ALKBH4: variants seen among roughly 807,000 people sequenced by gnomAD.
ALKBH4 encodes the protein alkB homolog 4, lysine demethylase, also known as alpha-ketoglutarate-dependent dioxygenase alkB homolog 4.
Under a neutral mutation model 12.1 loss-of-function variants are expected in ALKBH4, and 8 were observed. The ratio of observed to expected loss-of-function variants is 0.66; its 90% CI spans 0.39 to 1.19. ALKBH4 has a LOEUF of 1.19. Among genes scored for constraint, ALKBH4 ranks in the 50% most tolerant of loss-of-function variants. The pLI is 0.01. For synonymous variants in ALKBH4, 195 were observed against 191.6 expected (o/e 1.02, Z -0.15); for missense variants, 403 against 430.4 (o/e 0.94, Z 0.56).
At chr7:102,458,205 G>A (rs529460027) in intron 2 of ALKBH4, among the ~76,000 whole-genome samples, 117 of 152,214 alleles carry the variant, frequency 7.7e-4, no homozygotes, top group East Asian at 1.5e-3. Context: ...AGGCTGAGGC[G>A]GAGGGAGCTC....
intron 1 of ALKBH4, among the ~76,000 whole-genome samples, chr7:102,462,992 A>G (rs1382850720): frequency 7.8e-6 from 1 of 127,628 alleles, no homozygotes; most frequent in Non-Finnish European, 1.6e-5. Context: ...GGGTCTCACT[A>G]TGTTGCCCAA....
At position 102,462,358 on chromosome 7, in the gene ALKBH4, G is replaced by A. The variant is rs551201599; in HGVS notation, c.123+2356C>T. ...GCCACTGGAACGGGTCAGACTTTCC[G>A]CAATTTTTTTCTTTTCTTTTTTTTT... On this transcript the variant is annotated intron_variant, in intron 1 of 2. Coordinates refer to ENST00000292566, the MANE Select transcript of ALKBH4 (RefSeq NM_017621.4). Among the ~76,000 whole-genome samples the A allele has an allele frequency of 1.5e-4, 23 of 151,188 alleles. No individual in the cohort carries two copies. The East Asian group carries it at 1.6e-3, about 11-fold the overall frequency.
In ALKBH4 at chr7:102,456,587, G is replaced by A. The variant is rs1317039328; in HGVS notation, c.*807C>T. ...TGTTAACAGCGTTATGGGGCTGGAA[G>A]GAGGCTCTCAGATTTCCCTGCCCTC... On this transcript the variant is annotated 3_prime_UTR_variant, in exon 3 of 3. Transcript: ENST00000292566. The A allele has an allele frequency of 1.3e-5, 2 of 152,138 alleles. 1 individual carries two copies. The highest frequency in any genetic ancestry group is 3.9e-4 in the East Asian group (2 of 5,170). 9.4% of individuals were successfully genotyped at this position (152,138 alleles called of 1,614,324 possible).
chr7:102,457,937 G>A lies in ALKBH4; in HGVS notation c.366C>T (p.Thr122=), dbSNP rs775088559. 24 of 1,611,978 alleles carry A rather than the reference G, an allele frequency of 1.5e-5. No individual in the cohort carries two copies. The highest frequency in any genetic ancestry group is 2.7e-5 in the African/African-American group (2 of 74,872). ...AGCTGGGGAGGCCGCAGAAGCCCTC[G>A]GTCTTTAGCTTCTGTTTCCGAAAGT... ...KVNFRKQKLK[T]EGFCGLPSFS... is the part of the protein sequence containing the mutation. Residue 122 remains threonine (T), a synonymous_variant, in exon 3 of 3, where the codon ACC becomes ACT. Transcript: ENST00000292566. The surrounding 1 kb of genome is among the most constrained non-coding windows in gnomAD (Gnocchi z 5.9).
At chr7:102,462,305 C>T (rs956539123) in intron 1 of ALKBH4, among the ~76,000 whole-genome samples, 3 of 152,178 alleles carry the variant, frequency 2.0e-5, no homozygotes, top group Admixed American at 6.5e-5. Context: ...CCATAGCCAT[C>T]GGGTTGGGAA....
intron 1 of ALKBH4, among the ~76,000 whole-genome samples, chr7:102,461,690 G>A (rs1025769194): frequency 3.3e-5 from 5 of 152,114 alleles, no homozygotes; most frequent in Non-Finnish European, 7.4e-5. Flanking sequence ...AAAGAGTTTC[G>A]CCAATGAAAT....
At position 102,462,177 on chromosome 7, in the gene ALKBH4, A is replaced by C. The variant is rs141593538; in HGVS notation, c.124-2376T>G. On this transcript the variant is annotated intron_variant, in intron 1 of 2. Coordinates refer to ENST00000292566, the MANE Select transcript of ALKBH4 (RefSeq NM_017621.4). ...GGGTTTTAAAGGAGTGACGAGGTCA[A>C]ATGTGAATTTTAGAAAGATCTGGAG... is the stretch of plus-strand genomic sequence containing the variant. 3.6e-3 allele frequency among the ~76,000 whole-genome samples: 544 copies of C among 152,282 alleles called. 4 individuals carry two copies. Among genetic ancestry groups the C allele is most frequent in the African/African-American group, 0.012 (518 of 41,556 alleles).
intron 1 of ALKBH4, among the ~76,000 whole-genome samples, chr7:102,461,986 C>T (rs534797896): frequency 1.5e-4 from 23 of 152,294 alleles, no homozygotes; most frequent in African/African-American, 5.5e-4. Context: ...CAGCCCCTTC[C>T]AATGCTTTAC....
intron 1 of ALKBH4, among the ~76,000 whole-genome samples, chr7:102,460,868 T>C (rs1797779163): frequency 6.6e-6 from 1 of 152,178 alleles, no homozygotes; most frequent in Non-Finnish European, 1.5e-5. Context: ...AGCTCCTCAG[T>C]GTCCCAACCT....
At chr7:102,464,377 T>C (rs1158740324) in intron 1 of ALKBH4, among the ~76,000 whole-genome samples, 2 of 152,060 alleles carry the variant, frequency 1.3e-5, no homozygotes, top group African/African-American at 4.8e-5. Context: ...CAGGCACCGT[T>C]GGACTGGTAT....
chr7:102,463,148 A>G (rs2133256160), intron 1 of ALKBH4, among the ~76,000 whole-genome samples: 1 of 150,308 alleles, frequency 6.7e-6, no homozygotes, highest in South Asian at 2.1e-4. Flanking sequence ...GTGGGATTTC[A>G]CCATGTTGCC....
chr7:102,464,806 C>G lies in ALKBH4; in HGVS notation c.31G>C (p.Val11Leu), dbSNP rs755472789. 33 of 1,552,096 alleles carry G rather than the reference C, an allele frequency of 2.1e-5. No individual in the cohort carries two copies. The highest frequency in any genetic ancestry group is 2.9e-5 in the Non-Finnish European group (33 of 1,154,648). The change falls in exon 1 of 3, where the codon GTC becomes CTC. Residue 11 changes from valine to leucine, a missense_variant. By Grantham distance (32) the Val-to-Leu change is conservative. Coordinates refer to ENST00000292566, the MANE Select transcript of ALKBH4 (RefSeq NM_017621.4). Reference sequence around the variant, plus strand: ...CCCTTGCAACCGCATTCCCGAAGGACTTCGGGGGTCTCGGCGGCAGCCGCC... The same window carrying G: ...CCCTTGCAACCGCATTCCCGAAGGAGTTCGGGGGTCTCGGCGGCAGCCGCC... MAAAAAETPE[V>L]LRECGCKGIR...
At chr7:102,459,508 T>C (rs2133252489) in intron 2 of ALKBH4, 96 bp downstream of exon 2, 3 of 1,448,154 alleles carry the variant, frequency 2.1e-6, no homozygotes, top group Non-Finnish European at 2.8e-6. Flanking sequence ...CCTGGAGGTT[T>C]GAGGGGTGTG....
rs748471572 is a variant in ALKBH4 at position 102,457,746 on chromosome 7, A to G, written c.557T>C (p.Leu186Pro). ...WGERLVSLNL[L>P]SPTVLSMCRE... ...ACACATGGACAGCACGGTGGGGGAC[A>G]GGAGGTTGAGGCTGACCAGCCGCTC... The change falls in exon 3 of 3, where the codon CTG becomes CCG. Residue 186 changes from leucine to proline, a missense_variant. Leu to Pro is a moderately conservative substitution (Grantham distance 98). Coordinates refer to ENST00000292566, the MANE Select transcript of ALKBH4 (RefSeq NM_017621.4). This position sits in a 1 kb window ranked among gnomAD's most constrained non-coding sequence, Gnocchi z 5.9. The G allele has an allele frequency of 2.5e-6, 4 of 1,581,198 alleles. No individual in the cohort carries two copies. Among genetic ancestry groups the G allele is most frequent in the Non-Finnish European group, 3.4e-6 (4 of 1,166,514 alleles).
intron 2 of ALKBH4, 41 bp from the exon 3 acceptor site, chr7:102,458,022 T>C (rs756182481): frequency 5.9e-6 from 9 of 1,535,488 alleles, no homozygotes; most frequent in Middle Eastern, 3.4e-4. Context: ...TGTCTGAGTT[T>C]ACGAAGATGT....
intron 1 of ALKBH4, among the ~76,000 whole-genome samples, chr7:102,461,844 G>A (rs1050958626): frequency 1.3e-5 from 2 of 152,112 alleles, no homozygotes; most frequent in African/African-American, 4.8e-5. Flanking sequence ...TGAGGACTTC[G>A]GAGGCCACCA....
At chr7:102,462,274 G>C (rs943478293) in intron 1 of ALKBH4, among the ~76,000 whole-genome samples, 4 of 152,208 alleles carry the variant, frequency 2.6e-5, no homozygotes, top group African/African-American at 9.6e-5. Context: ...CTGAGATCCT[G>C]GATACCTCAC....
chr7:102,462,335 C>T (rs886750248), intron 1 of ALKBH4, among the ~76,000 whole-genome samples: 1 of 152,114 alleles, frequency 6.6e-6, no homozygotes, highest in Non-Finnish European at 1.5e-5. Flanking sequence ...TCCACATGGC[C>T]ACTGGAACGG....
At chr7:102,460,785 C>T (rs1797776361) in intron 1 of ALKBH4, among the ~76,000 whole-genome samples, 1 of 152,132 alleles carries the variant, frequency 6.6e-6, no homozygotes, top group Admixed American at 6.5e-5. Flanking sequence ...CAGGGGTTGG[C>T]CCGTGCCTAT....
Sources: allele counts gnomAD v4.1 joint callset (sites outside exome capture counted in the v4.1 genomes callset), GRCh38; gene constraint gnomAD v4.1.1; non-coding constraint Gnocchi (gnomAD v3.1); transcripts MANE v1.5; gene names NCBI Gene and HGNC (gene_info 2026-07-23, HGNC 2026-07-21).